Variants in MAGI2 observed in about 807,000 individuals in gnomAD.
MAGI2 encodes membrane associated guanylate kinase, WW and PDZ domain containing 2, also known as membrane-associated guanylate kinase, WW and PDZ domain-containing protein 2.
A neutral mutation model predicts 133.3 loss-of-function variants in MAGI2; 35 were observed. That is an observed-to-expected ratio of 0.26 (90% CI 0.20 to 0.35). The LOEUF is 0.35. Among genes scored for constraint, MAGI2 ranks in the 10% least tolerant of loss-of-function variants. The probability of loss-of-function intolerance (pLI) is 1.00; values close to 1 mark genes in which losing one functional copy is unlikely to be tolerated. For missense variants in MAGI2, 1,636 were observed against 1,863.4 expected (o/e 0.88, Z 2.25); for synonymous variants, 729 against 710.6 (o/e 1.03, Z -0.41).
rs949679421 is a variant in MAGI2 at position 78,537,461 on chromosome 7, C to T, written c.539-15816G>A. Among the ~76,000 whole-genome samples the T allele has an allele frequency of 2.3e-4, 35 of 152,270 alleles. 1 individual carries two copies. The highest frequency in any genetic ancestry group is 8.4e-4 in the African/African-American group (35 of 41,552). On this transcript the variant is annotated intron_variant, in intron 3 of 21. Coordinates refer to ENST00000354212, the MANE Select transcript of MAGI2 (RefSeq NM_012301.4). ...AGGTTTTACTAGTTTACATTCCCACCAGCAGTGTAAAAGCATTCCATTTTC... is the reference window on the plus strand; with the variant it reads ...AGGTTTTACTAGTTTACATTCCCACTAGCAGTGTAAAAGCATTCCATTTTC...
intron 2 of MAGI2, among the ~76,000 whole-genome samples, chr7:78,909,125 A>C (rs1003818409): frequency 6.6e-6 from 1 of 151,632 alleles, no homozygotes; most frequent in African/African-American, 2.4e-5. Context: ...AAGAAAAAAA[A>C]AAAAAACCCC....
intron 2 of MAGI2, among the ~76,000 whole-genome samples, chr7:78,872,557 TAA>T (rs1474815093): frequency 1.3e-5 from 2 of 151,582 alleles, no homozygotes; most frequent in Non-Finnish European, 2.9e-5. Flanking sequence ...TACTGAATAG[TAA>T]AATATTAGTG....
At chr7:78,883,313 T>C (rs1418694889) in intron 2 of MAGI2, among the ~76,000 whole-genome samples, 2 of 151,756 alleles carry the variant, frequency 1.3e-5, no homozygotes, top group South Asian at 2.1e-4. Flanking sequence ...AAGGAATACA[T>C]GTAACCAAGG....
chr7:78,593,973 A>G (rs976552123), intron 3 of MAGI2, among the ~76,000 whole-genome samples: 3 of 152,208 alleles, frequency 2.0e-5, no homozygotes, highest in South Asian at 2.1e-4. Flanking sequence ...ACTCCCAAAC[A>G]TATCACATTC....
At chr7:78,518,598 T>A (rs1458084375) in intron 4 of MAGI2, 1 of 152,250 alleles carries the variant, frequency 6.6e-6, no homozygotes, top group Non-Finnish European at 1.5e-5. Context: ...TACCTCAATA[T>A]GTTTTTTATA....
intron 21 of MAGI2, among the ~76,000 whole-genome samples, chr7:78,066,972 T>C (rs1222483488): frequency 6.6e-6 from 1 of 152,240 alleles, no homozygotes; most frequent in Non-Finnish European, 1.5e-5. Flanking sequence ...GGAATTGCAC[T>C]CCACATCAAT....
intron 6 of MAGI2, among the ~76,000 whole-genome samples, chr7:78,455,538 A>G (rs1360767053): frequency 6.6e-6 from 1 of 152,026 alleles, no homozygotes; most frequent in Non-Finnish European, 1.5e-5. Flanking sequence ...CCATTATTTA[A>G]CCCCAATTTC....
At chr7:78,591,458 G>C (rs1019756312) in intron 3 of MAGI2, among the ~76,000 whole-genome samples, 1 of 152,200 alleles carries the variant, frequency 6.6e-6, no homozygotes, top group Admixed American at 6.5e-5. Context: ...GGTGCGGGGA[G>C]TACTCTATTC....
At chr7:79,260,779 T>C (rs971435189) in intron 1 of MAGI2, among the ~76,000 whole-genome samples, 4 of 152,198 alleles carry the variant, frequency 2.6e-5, no homozygotes, top group African/African-American at 9.6e-5. Context: ...GAATCTCATG[T>C]TTAGACTTGG....
rs373044893 is a variant in MAGI2 at position 79,300,580 on chromosome 7, A to T, written c.301+152440T>A. Among the ~76,000 whole-genome samples the T allele has an allele frequency of 1.5e-3, 235 of 152,330 alleles. 1 individual carries two copies. The highest frequency in any genetic ancestry group is 5.2e-3 in the African/African-American group (215 of 41,584). On this transcript the variant is annotated intron_variant, in intron 1 of 21. Transcript: ENST00000354212. ...CTTAAATTTGAAATTTATATTTAAA[A>T]GGATAGCAGAGCATAAAAATTGGGA...
At chr7:78,495,834 A>G (rs767781395) in intron 5 of MAGI2, among the ~76,000 whole-genome samples, 1 of 152,186 alleles carries the variant, frequency 6.6e-6, no homozygotes, top group Non-Finnish European at 1.5e-5. Flanking sequence ...TGTCTAAAAC[A>G]TTTATTTTCT....
intron 6 of MAGI2, among the ~76,000 whole-genome samples, chr7:78,385,116 C>T (rs557331757): frequency 2.0e-5 from 3 of 152,222 alleles, no homozygotes; most frequent in African/African-American, 7.2e-5. Context: ...TCATAGATTC[C>T]CTACTTTATT....
chr7:78,806,985 T>C (rs1285085657), intron 2 of MAGI2, among the ~76,000 whole-genome samples: 3 of 151,994 alleles, frequency 2.0e-5, no homozygotes, highest in Non-Finnish European at 4.4e-5. Context: ...TAAAGTATCA[T>C]TAAGAAGGAA....
At chr7:78,286,932 C>A (rs1796199998) in intron 9 of MAGI2, among the ~76,000 whole-genome samples, 1 of 152,110 alleles carries the variant, frequency 6.6e-6, no homozygotes, top group Non-Finnish European at 1.5e-5. Context: ...GAAAGGACAG[C>A]TGAGAGAGTG....
intron 2 of MAGI2, among the ~76,000 whole-genome samples, chr7:78,988,522 ACT>A (rs749340902): frequency 9.9e-5 from 15 of 152,076 alleles, no homozygotes; most frequent in African/African-American, 3.6e-4. Context: ...AAACATGCTC[ACT>A]CTCTCTTAAT....
intron 3 of MAGI2, among the ~76,000 whole-genome samples, chr7:78,552,796 G>T (rs1375019922): frequency 1.3e-5 from 2 of 152,134 alleles, no homozygotes; most frequent in Admixed American, 6.6e-5. Context: ...TTTCTAAGGG[G>T]TGAAGCAAGG....
chr7:78,562,724 T>C (rs1047744329), intron 3 of MAGI2, among the ~76,000 whole-genome samples: 1 of 152,170 alleles, frequency 6.6e-6, no homozygotes, highest in African/African-American at 2.4e-5. Flanking sequence ...TACAAGATAA[T>C]GTCCTGGGCA....
chr7:78,404,877 C>T (rs1797235324), intron 6 of MAGI2, among the ~76,000 whole-genome samples: 2 of 152,240 alleles, frequency 1.3e-5, no homozygotes, highest in South Asian at 2.1e-4. Flanking sequence ...TCAGAGTGAA[C>T]AGGCAACCTA....
chr7:78,387,550 G>A (rs981250030), intron 6 of MAGI2, among the ~76,000 whole-genome samples: 2 of 152,120 alleles, frequency 1.3e-5, no homozygotes, highest in African/African-American at 4.8e-5. Flanking sequence ...AAAGAGACAG[G>A]CAAGTCTTTA....
Sources: allele counts gnomAD v4.1 joint callset (sites outside exome capture counted in the v4.1 genomes callset), GRCh38; gene constraint gnomAD v4.1.1; transcripts MANE v1.5; gene names NCBI Gene and HGNC (gene_info 2026-07-23, HGNC 2026-07-21).